TSPEAR: variants seen among roughly 807,000 people sequenced by gnomAD.
TSPEAR encodes thrombospondin-type laminin G domain and EAR repeat-containing protein.
A neutral mutation model predicts 71.6 loss-of-function variants in TSPEAR; 69 were observed. That is an observed-to-expected ratio of 0.96 (90% CI 0.79 to 1.18). The LOEUF (loss-of-function observed/expected upper bound fraction) is 1.18. Ranked by LOEUF, TSPEAR falls within the 50% of genes most tolerant of loss-of-function variation. The pLI, the probability that TSPEAR is intolerant of heterozygous loss-of-function variation, is 0.00. For missense variants in TSPEAR, 971 were observed against 894.9 expected, an observed-to-expected ratio of 1.09 and a Z score of -1.09; for synonymous variants, 402 against 387.2, an observed-to-expected ratio of 1.04 and a Z score of -0.45.
chr21:44,562,588 G>A (rs1043498918), intron 2 of TSPEAR, among the ~76,000 whole-genome samples: 2 of 152,036 alleles, frequency 1.3e-5, no homozygotes, highest in Admixed American at 6.5e-5. Context: ...AATACTGAAA[G>A]TCAAAAACAA....
chr21:44,558,518 G>A (rs2053581342), intron 2 of TSPEAR: 2 of 1,613,568 alleles, frequency 1.2e-6, no homozygotes, highest in African/African-American at 2.7e-5. Flanking sequence ...CTGACTGGCA[G>A]GGGCTGGGCT....
intron 1 of TSPEAR, among the ~76,000 whole-genome samples, chr21:44,668,776 C>A (rs782620600): frequency 2.0e-5 from 3 of 152,188 alleles, no homozygotes; most frequent in Non-Finnish European, 4.4e-5. Flanking sequence ...CTGTCAAGAC[C>A]TTTCAGTGAG....
chr21:44,702,607 T>C, intron 1 of TSPEAR: 2 of 1,605,234 alleles, frequency 1.2e-6, no homozygotes, highest in Admixed American at 3.3e-5. Flanking sequence ...CAGACCCTCC[T>C]CCTCTGTGTC....
chr21:44,524,844 GTAGTCAGTCAGCCAA>G (rs782749161), intron 8 of TSPEAR, among the ~76,000 whole-genome samples: 55 of 150,942 alleles, frequency 3.6e-4, no homozygotes, highest in Non-Finnish European at 6.9e-4. Flanking sequence ...AGTCAGTGAG[GTAGTCAGTCAGCCAA>G]TAGCCAGTCA....
At chr21:44,508,787 A>G in intron 10 of TSPEAR, 1 of 1,310,954 alleles carries the variant, frequency 7.6e-7, no homozygotes, top group East Asian at 5.4e-5. Flanking sequence ...GGAAGGAAGT[A>G]ATCATGTCTG....
intron 1 of TSPEAR, among the ~76,000 whole-genome samples, chr21:44,607,620 A>G (rs1377178332): frequency 1.3e-5 from 2 of 152,260 alleles, no homozygotes; most frequent in East Asian, 1.9e-4. Flanking sequence ...GGATTTTACT[A>G]CAATTAAGAG....
At chr21:44,602,248 G>T in intron 1 of TSPEAR, 1 of 172,490 alleles carries the variant, frequency 5.8e-6, no homozygotes, top group Non-Finnish European at 1.3e-5. Context: ...GTGGTCCTGG[G>T]CTGCTCCCAC....
intron 1 of TSPEAR, among the ~76,000 whole-genome samples, chr21:44,708,080 A>C (rs1041294340): frequency 9.3e-5 from 14 of 150,014 alleles, no homozygotes; most frequent in African/African-American, 3.2e-4. Context: ...TATGAGAGAG[A>C]GCGAGCGAGA....
Position 44,546,737 on chromosome 21 carries a change from C to A in TSPEAR, c.304-12814G>T, listed in dbSNP as rs1555917785. Reference sequence around the variant, plus strand: ...GCATGTGAAATATGTCATCCCAATGCCTCTGGCCTCCATGGTTTCTGATGA... The same window carrying A: ...GCATGTGAAATATGTCATCCCAATGACTCTGGCCTCCATGGTTTCTGATGA... On this transcript the variant is annotated intron_variant, in intron 2 of 11. Coordinates refer to ENST00000323084, the MANE Select transcript of TSPEAR (RefSeq NM_144991.3). The surrounding 1 kb of genome is among the most constrained non-coding windows in gnomAD (Gnocchi z 4.4). 6.6e-6 allele frequency among the ~76,000 whole-genome samples: 1 copy of A among 152,216 alleles called. No homozygotes were observed. Among genetic ancestry groups the A allele is most frequent in the African/African-American group, 2.4e-5 (1 of 41,460 alleles).
rs370409051 is a variant in TSPEAR, at chr21:44,711,441, G to T, written c.74C>A (p.Pro25His). 86 of 1,604,982 alleles carry T rather than the reference G, an allele frequency of 5.4e-5. No homozygotes were observed. The highest frequency in any genetic ancestry group is 6.9e-5 in the Non-Finnish European group (81 of 1,176,376). Residue 25 changes from proline (P) to histidine (H), a missense_variant, in exon 1 of 12, where the codon CCC becomes CAC. Physicochemically the swap from Pro to His is moderately conservative, Grantham distance 77. Transcript: ENST00000323084. This position sits in a 1 kb window ranked among gnomAD's most constrained non-coding sequence, Gnocchi z 4.5. ...CCATGCCCCTGCCTTACCTGTGCAG[G>T]GCTCCCAACCCTGCGTGCCGTGGCC... ...APGHGTQGWE[P>H]CTDLRPLDIL...
At chr21:44,611,964 G>A (rs1007547720) in intron 1 of TSPEAR, 1 of 914,806 alleles carries the variant, frequency 1.1e-6, no homozygotes. Flanking sequence ...CAAAGTCTCA[G>A]CCACAACAAG....
At chr21:44,602,855 T>G (rs1211119) in intron 1 of TSPEAR, among the ~76,000 whole-genome samples, 2 of 151,876 alleles carry the variant, frequency 1.3e-5, no homozygotes, top group African/African-American at 4.8e-5. Flanking sequence ...TTCCCTTGGT[T>G]GATTTTGCTC....
intron 1 of TSPEAR, among the ~76,000 whole-genome samples, chr21:44,633,532 A>C (rs1213943463): frequency 1.1e-4 from 17 of 152,286 alleles, no homozygotes; most frequent in African/African-American, 3.9e-4. Context: ...CATATTTGTG[A>C]ATTTTCCAGT....
intron 3 of TSPEAR, 43 bp downstream of exon 3, chr21:44,533,642 A>G (rs1043116564): frequency 6.6e-7 from 1 of 1,509,444 alleles, no homozygotes; most frequent in Admixed American, 1.7e-5. Context: ...GCCTGGCAGG[A>G]CTCTGAGGAC....
intron 10 of TSPEAR, chr21:44,508,721 C>T: frequency 8.1e-7 from 1 of 1,240,420 alleles, no homozygotes; most frequent in South Asian, 1.4e-5. Flanking sequence ...ACATCTGTCT[C>T]AACAGGCCAG....
chr21:44,551,817 T>C (rs782688581), intron 2 of TSPEAR, among the ~76,000 whole-genome samples: 1 of 152,194 alleles, frequency 6.6e-6, no homozygotes, highest in East Asian at 1.9e-4. Flanking sequence ...GCAGGTCCCG[T>C]GACTGTGCCC....
chr21:44,574,928 C>G lies in TSPEAR; in HGVS notation c.83-6923G>C, dbSNP rs1319394820. The G allele has an allele frequency of 2.5e-6, 4 of 1,608,214 alleles. No homozygotes were observed. Among genetic ancestry groups the G allele is most frequent in the Non-Finnish European group, 3.4e-6 (4 of 1,177,294 alleles). ...CTCCCACCTCCTCCTGCCAACCCAG[C>G]TGCTGCCGCCCAGCCTCCTGCGTGT... On this transcript the variant is annotated intron_variant, in intron 1 of 11. Coordinates refer to ENST00000323084, the MANE Select transcript of TSPEAR (RefSeq NM_144991.3).
In TSPEAR at chr21:44,558,721, G is replaced by A. The variant is rs370175540; in HGVS notation, c.303+9064C>T. 6 of 1,587,954 alleles carry A rather than the reference G, an allele frequency of 3.8e-6. No individual in the cohort carries two copies. The African/African-American group carries it at 5.4e-5, about 14-fold the overall frequency. ...GACATGGTAGACGTGGCCATGCTGG[G>A]GTGGGGAGGAGGTGAGCTGGGGGAG... On this transcript the variant is annotated intron_variant, in intron 2 of 11. Transcript: ENST00000323084.
intron 9 of TSPEAR, among the ~76,000 whole-genome samples, chr21:44,510,247 A>G (rs1353344710): frequency 2.6e-5 from 4 of 152,176 alleles, no homozygotes; most frequent in African/African-American, 9.7e-5. Context: ...CAGTGTCCCC[A>G]CAGGCCGGGG....
Sources: gnomAD v4.1 joint callset for allele counts (sites outside exome capture counted in the v4.1 genomes callset) on GRCh38, gnomAD v4.1.1 for gene constraint, Gnocchi (gnomAD v3.1) non-coding constraint, MANE v1.5 for transcripts, NCBI Gene and HGNC (gene_info 2026-07-23, HGNC 2026-07-21) for gene names.